The following KIAA0825 variants were observed in gnomAD, a reference collection of about 807,000 sequenced individuals.
KIAA0825 encodes the protein uncharacterized protein KIAA0825.
Under a neutral mutation model 147.6 loss-of-function variants are expected in KIAA0825, and 119 were observed. That is an observed-to-expected ratio of 0.81 (90% CI 0.69 to 0.94). The LOEUF (loss-of-function observed/expected upper bound fraction) is 0.94. Among genes scored for constraint, KIAA0825 ranks in the 40% least tolerant of loss-of-function variants. The pLI, the probability that KIAA0825 is intolerant of heterozygous loss-of-function variation, is 0.00. For missense variants in KIAA0825, 1,381 were observed against 1,472.7 expected (o/e 0.94, Z 1.02); for synonymous variants, 470 against 518.1 (o/e 0.91, Z 1.26).
intron 1 of KIAA0825, among the ~76,000 whole-genome samples, chr5:94,600,795 A>G (rs936550113): frequency 6.6e-6 from 1 of 152,202 alleles, no homozygotes; most frequent in Non-Finnish European, 1.5e-5. Context: ...GCTACTCTAC[A>G]AAAGTGTGAC....
At chr5:94,476,691 T>C (rs1761932368) in intron 7 of KIAA0825, among the ~76,000 whole-genome samples, 1 of 152,110 alleles carries the variant, frequency 6.6e-6, no homozygotes. Flanking sequence ...TTCTCTACAA[T>C]CTAGAGCAGA....
chr5:94,489,956 A>T (rs1763536739), intron 5 of KIAA0825, among the ~76,000 whole-genome samples: 1 of 151,958 alleles, frequency 6.6e-6, no homozygotes, highest in Non-Finnish European at 1.5e-5. Flanking sequence ...GAGGACCTGC[A>T]GGCATTGTTT....
At chr5:94,590,299 A>T (rs60486819) in intron 1 of KIAA0825, among the ~76,000 whole-genome samples, 4 of 152,046 alleles carry the variant, frequency 2.6e-5, no homozygotes, top group Non-Finnish European at 5.9e-5. Flanking sequence ...TCAGCCTCCA[A>T]TGGTTTCTTA....
At chr5:94,487,945 C>A (rs1763252622) in intron 5 of KIAA0825, among the ~76,000 whole-genome samples, 1 of 152,082 alleles carries the variant, frequency 6.6e-6, no homozygotes, top group Non-Finnish European at 1.5e-5. Context: ...AGAGTGGGAC[C>A]CTGTCTCAAA....
At chr5:94,196,994 T>C (rs904372311) in intron 20 of KIAA0825, among the ~76,000 whole-genome samples, 2 of 152,226 alleles carry the variant, frequency 1.3e-5, no homozygotes, top group African/African-American at 4.8e-5. Flanking sequence ...AGGAATGGGA[T>C]TGCTAAGTTC....
At chr5:94,346,867 C>T (rs1405128310) in intron 20 of KIAA0825, among the ~76,000 whole-genome samples, 1 of 152,102 alleles carries the variant, frequency 6.6e-6, no homozygotes, top group African/African-American at 2.4e-5. Context: ...AGGTGGGGGA[C>T]GAACCAAGCC....
chr5:94,157,968 A>T (rs1386586051), intron 20 of KIAA0825, among the ~76,000 whole-genome samples: 3 of 152,194 alleles, frequency 2.0e-5, no homozygotes. Context: ...GGAGGGCCAG[A>T]GTCTGGAGTG....
chr5:94,554,406 T>C (rs1474398215), intron 2 of KIAA0825, among the ~76,000 whole-genome samples: 2 of 152,080 alleles, frequency 1.3e-5, no homozygotes, highest in Non-Finnish European at 2.9e-5. Flanking sequence ...GGCTTGGTAA[T>C]AAAGCAAAGT....
chr5:94,503,352 T>G (rs1765317590), intron 5 of KIAA0825, among the ~76,000 whole-genome samples: 1 of 152,156 alleles, frequency 6.6e-6, no homozygotes, highest in Non-Finnish European at 1.5e-5. Flanking sequence ...GGAAACACAT[T>G]CAAGCTTTCA....
intron 20 of KIAA0825, among the ~76,000 whole-genome samples, chr5:94,159,333 A>C (rs1006924696): frequency 2.6e-5 from 4 of 152,134 alleles, no homozygotes; most frequent in African/African-American, 9.7e-5. Flanking sequence ...CAGTTCTCTT[A>C]TATGCAACAT....
intron 20 of KIAA0825, among the ~76,000 whole-genome samples, chr5:94,304,780 T>C (rs1392283031): frequency 6.6e-6 from 1 of 151,986 alleles, no homozygotes; most frequent in African/African-American, 2.4e-5. Flanking sequence ...GAACTGAAAA[T>C]ACCCCAGCCA....
intron 5 of KIAA0825, among the ~76,000 whole-genome samples, chr5:94,518,398 GA>G (rs1767591681): frequency 6.6e-6 from 1 of 152,100 alleles, no homozygotes; most frequent in African/African-American, 2.4e-5. Flanking sequence ...AAGCTGAACT[GA>G]ATTTATCTGC....
chr5:94,191,922 C>A (rs1770710026), intron 20 of KIAA0825, among the ~76,000 whole-genome samples: 1 of 152,342 alleles, frequency 6.6e-6, no homozygotes, highest in African/African-American at 2.4e-5. Flanking sequence ...AGTTCCCTAT[C>A]TGATTAAATA....
chr5:94,353,162 A>G (rs1783882005), intron 20 of KIAA0825, among the ~76,000 whole-genome samples: 1 of 152,194 alleles, frequency 6.6e-6, no homozygotes. Context: ...GGAAACAACA[A>G]TTAGCTACTT....
chr5:94,246,508 C>G (rs1375090377), intron 20 of KIAA0825, among the ~76,000 whole-genome samples: 1 of 152,208 alleles, frequency 6.6e-6, no homozygotes, highest in Non-Finnish European at 1.5e-5. Flanking sequence ...ACACACTGAA[C>G]AAGCAGAGAA....
At chr5:94,236,200 T>C (rs1775032538) in intron 20 of KIAA0825, among the ~76,000 whole-genome samples, 1 of 152,240 alleles carries the variant, frequency 6.6e-6, no homozygotes, top group Non-Finnish European at 1.5e-5. Context: ...GATTCATCAA[T>C]GTAGATGCCA....
chr5:94,330,262 C>CCTGTT (rs1222927206), intron 20 of KIAA0825, among the ~76,000 whole-genome samples: 4 of 152,054 alleles, frequency 2.6e-5, no homozygotes, highest in Non-Finnish European at 5.9e-5. Context: ...AACAGGTCTC[C>CCTGTT]CAGTGATAGC....
intron 14 of KIAA0825, among the ~76,000 whole-genome samples, chr5:94,426,395 G>A (rs965548344): frequency 2.0e-5 from 3 of 152,048 alleles, no homozygotes; most frequent in Non-Finnish European, 4.4e-5. Flanking sequence ...ATAAAATCAC[G>A]TCATTGGCTG....
chr5:94,520,282 G>T lies in KIAA0825; in HGVS notation c.936C>A (p.Ser312Arg), dbSNP rs1203542355. Residue 312 changes from serine (S) to arginine (R), a missense_variant, in exon 5 of 21, where the codon AGC (serine) becomes AGA (arginine). Ser to Arg is a moderately radical substitution (Grantham distance 110). Transcript: ENST00000682413. ...NAVRVVKTSK[S>R]SSKHRGAVHA... ...GCACTGCTCCTCTATGCTTGCTGGA[G>T]CTCTTGCTTGTTTTAACCACACGAA... The T allele has an allele frequency of 6.2e-7, 1 of 1,612,758 alleles. No individual in the cohort carries two copies. The highest frequency in any genetic ancestry group is 1.3e-5 in the African/African-American group (1 of 74,848).
Sources: allele counts gnomAD v4.1 joint callset (sites outside exome capture counted in the v4.1 genomes callset), GRCh38; gene constraint gnomAD v4.1.1; transcripts MANE v1.5; gene names NCBI Gene and HGNC (gene_info 2026-07-23, HGNC 2026-07-21).